PHF21B: variants seen among roughly 807,000 people sequenced by gnomAD.
PHF21B encodes PHD finger protein 21B, also known as PHD finger protein 4.
A neutral mutation model predicts 62.2 loss-of-function variants in PHF21B; 22 were observed. The observed-to-expected ratio is 0.35, with a 90% CI of 0.25 to 0.51. PHF21B has a LOEUF of 0.51. PHF21B is among the 20% of genes least tolerant of loss of function. The probability of loss-of-function intolerance (pLI) is 0.97; values close to 1 mark genes in which losing one functional copy is unlikely to be tolerated. For synonymous variants in PHF21B, 341 were observed against 314.7 expected (o/e 1.08, Z -0.88); for missense variants, 701 against 707.9 (o/e 0.99, Z 0.11).
intron 11 of PHF21B, 51 bp downstream of exon 11, chr22:44,885,811 TG>T: frequency 6.4e-7 from 1 of 1,567,456 alleles, no homozygotes; most frequent in Non-Finnish European, 8.8e-7. Flanking sequence ...GAGGCCTGGG[TG>T]GGGGAGGAGG....
At chr22:44,894,622 T>C (rs924660797) in intron 6 of PHF21B, among the ~76,000 whole-genome samples, 1 of 152,162 alleles carries the variant, frequency 6.6e-6, no homozygotes, top group Non-Finnish European at 1.5e-5. Context: ...AAAGGAACCT[T>C]GGCTGGAGGG....
chr22:45,009,187 G>C lies in PHF21B; in HGVS notation c.54+309C>G, dbSNP rs2073381053. On this transcript the variant is annotated intron_variant, in intron 1 of 12. Coordinates refer to ENST00000313237, the MANE Select transcript of PHF21B (RefSeq NM_138415.5). This position sits in a 1 kb window ranked among gnomAD's most constrained non-coding sequence, Gnocchi z 5.9. ...TATTCGCACTCCCCTCCCCGGGACCGGCTCACGAAGGGGCCCCCTCCAGGC... is the reference window on the plus strand; with the variant it reads ...TATTCGCACTCCCCTCCCCGGGACCCGCTCACGAAGGGGCCCCCTCCAGGC... The C allele has an allele frequency of 2.4e-6, 1 of 421,374 alleles. No individual in the cohort carries two copies. The highest frequency in any genetic ancestry group is 4.8e-5 in the Admixed American group (1 of 20,850). The allele number at this position is 421,374 out of a possible 1,614,324, so 26.1% of individuals were successfully genotyped here. A position where few individuals can be genotyped will look rare whatever the true frequency, so the allele number is the denominator to read the frequency against.
At chr22:44,999,179 G>A (rs956153201) in intron 2 of PHF21B, among the ~76,000 whole-genome samples, 9 of 152,142 alleles carry the variant, frequency 5.9e-5, no homozygotes, top group South Asian at 2.1e-4. Context: ...TGCTACTACC[G>A]AACAGGAAGT....
At chr22:44,964,997 C>CT (rs2072496504) in intron 2 of PHF21B, among the ~76,000 whole-genome samples, 1 of 152,180 alleles carries the variant, frequency 6.6e-6, no homozygotes, top group African/African-American at 2.4e-5. Flanking sequence ...CATAGGGTGC[C>CT]TGGGGCAGGG....
intron 2 of PHF21B, among the ~76,000 whole-genome samples, chr22:44,930,975 A>G (rs143527576): frequency 6.6e-6 from 1 of 152,322 alleles, no homozygotes; most frequent in East Asian, 1.9e-4. Flanking sequence ...GAGGTGAGCT[A>G]CGCCCAGGGG....
chr22:44,948,952 T>G (rs956432082), intron 2 of PHF21B, among the ~76,000 whole-genome samples: 2 of 152,228 alleles, frequency 1.3e-5, no homozygotes, highest in Non-Finnish European at 2.9e-5. Context: ...ACAGATCCAT[T>G]CCTTCCCAGT....
At chr22:44,931,351 C>A (rs891828811) in intron 2 of PHF21B, among the ~76,000 whole-genome samples, 1 of 152,126 alleles carries the variant, frequency 6.6e-6, no homozygotes, top group African/African-American at 2.4e-5. Flanking sequence ...GCGCAGGCGG[C>A]TCCCACCCGG....
chr22:44,986,203 C>T (rs1341074346), intron 2 of PHF21B, among the ~76,000 whole-genome samples: 2 of 151,714 alleles, frequency 1.3e-5, no homozygotes, highest in African/African-American at 4.8e-5. Context: ...ATCACCGCCA[C>T]TACCATCACA....
intron 10 of PHF21B, 56 bp downstream of exon 10, chr22:44,887,907 T>C: frequency 7.3e-7 from 1 of 1,377,560 alleles, no homozygotes; most frequent in Non-Finnish European, 9.4e-7. Flanking sequence ...TGTCTCTGCC[T>C]ACGGTGGGGA....
intron 2 of PHF21B, among the ~76,000 whole-genome samples, chr22:45,007,845 C>T (rs2073353410): frequency 6.6e-6 from 1 of 151,542 alleles, no homozygotes; most frequent in African/African-American, 2.4e-5. Context: ...TGCTGAAACC[C>T]CGAGCGCTGA....
intron 6 of PHF21B, among the ~76,000 whole-genome samples, chr22:44,894,918 G>T (rs1259131676): frequency 1.3e-5 from 2 of 152,216 alleles, no homozygotes; most frequent in Non-Finnish European, 2.9e-5. Flanking sequence ...ACCTCAGCCA[G>T]GTCCCTCCCC....
At chr22:45,002,558 G>A (rs577449893) in intron 2 of PHF21B, among the ~76,000 whole-genome samples, 3 of 152,260 alleles carry the variant, frequency 2.0e-5, no homozygotes, top group East Asian at 1.9e-4. Context: ...TCCCCACAAC[G>A]ATGGGGCCTG....
intron 2 of PHF21B, among the ~76,000 whole-genome samples, chr22:45,002,309 A>G (rs1324259272): frequency 6.6e-6 from 1 of 152,214 alleles, no homozygotes; most frequent in Non-Finnish European, 1.5e-5. Flanking sequence ...TATAAATTGC[A>G]TTTATGTACA....
At chr22:45,007,565 G>GAAGTCC (rs1311378451) in intron 2 of PHF21B, among the ~76,000 whole-genome samples, 1 of 102,960 alleles carries the variant, frequency 9.7e-6, no homozygotes. Flanking sequence ...GGGGCGCGAA[G>GAAGTCC]GAGGGAGGGA....
chr22:44,938,507 A>C (rs1035285354), intron 2 of PHF21B, among the ~76,000 whole-genome samples: 7 of 152,250 alleles, frequency 4.6e-5, no homozygotes, highest in Non-Finnish European at 8.8e-5. Context: ...TGCTGGGACT[A>C]CAGGCGTGAG....
chr22:44,888,006 G>A lies in PHF21B; in HGVS notation c.1154C>T (p.Thr385Met), dbSNP rs775969792. 26 of 1,572,628 alleles carry A rather than the reference G, an allele frequency of 1.7e-5. No homozygotes were observed. The highest frequency in any genetic ancestry group is 6.7e-5 in the African/African-American group (5 of 74,450). The change falls in exon 10 of 13, where the codon ACG (threonine) becomes ATG (methionine). Residue 385 changes from threonine (T) to methionine (M), a missense_variant. By Grantham distance (81) the Thr-to-Met change is moderately conservative. Transcript: ENST00000313237. ...GCACACCCACACGCCCTTGGGCGCCGTCTTGAGGGGCGGCTCCAGGCAGCT... is the reference window on the plus strand; with the variant it reads ...GCACACCCACACGCCCTTGGGCGCCATCTTGAGGGGCGGCTCCAGGCAGCT... ...HLSCLEPPLK[T>M]APKGVWVCPR...
intron 2 of PHF21B, among the ~76,000 whole-genome samples, chr22:45,007,223 G>C (rs1037465011): frequency 4.7e-5 from 2 of 42,454 alleles, no homozygotes; most frequent in African/African-American, 1.5e-4. Context: ...AGCAAGCCCG[G>C]CCCCCCCCAA....
At chr22:44,959,660 G>A (rs1237121421) in intron 2 of PHF21B, among the ~76,000 whole-genome samples, 1 of 152,210 alleles carries the variant, frequency 6.6e-6, no homozygotes, top group Non-Finnish European at 1.5e-5. Flanking sequence ...GGATGTCTGA[G>A]CTGGGCACAG....
intron 2 of PHF21B, among the ~76,000 whole-genome samples, chr22:44,929,719 G>A (rs1601610334): frequency 6.6e-6 from 1 of 152,258 alleles, no homozygotes; most frequent in South Asian, 2.1e-4. Context: ...TGCTCTAACA[G>A]CAGCCGGTGG....
Sources: gnomAD v4.1 joint callset for allele counts (sites outside exome capture counted in the v4.1 genomes callset) on GRCh38, gnomAD v4.1.1 for gene constraint, Gnocchi (gnomAD v3.1) non-coding constraint, MANE v1.5 for transcripts, NCBI Gene and HGNC (gene_info 2026-07-23, HGNC 2026-07-21) for gene names.